CACNA1E: variants seen among roughly 807,000 people sequenced by gnomAD.
CACNA1E encodes the protein voltage-dependent R-type calcium channel subunit alpha-1E.
A neutral mutation model predicts 259.2 loss-of-function variants in CACNA1E; 40 were observed. That is an observed-to-expected ratio of 0.15 (90% confidence interval 0.12 to 0.20). CACNA1E has a LOEUF of 0.20. Among genes scored for constraint, CACNA1E ranks in the 10% least tolerant of loss-of-function variants. CACNA1E has a pLI of 1.00. For missense variants in CACNA1E, 1,874 were observed against 3,040.1 expected (o/e 0.62, Z 9.02); for synonymous variants, 1,104 against 1,138.5 (o/e 0.97, Z 0.61).
intron 3 of CACNA1E, among the ~76,000 whole-genome samples, chr1:181,549,553 TATA>T (rs1647895884): frequency 6.6e-6 from 1 of 152,236 alleles, no homozygotes; most frequent in South Asian, 2.1e-4. Context: ...CTCTTTCCCT[TATA>T]ATGATGATGC....
Position 181,756,974 on chromosome 1 carries a change from C to T in CACNA1E, c.4177C>T (p.Arg1393Cys), listed in dbSNP as rs772762981. The T allele has an allele frequency of 6.8e-6, 11 of 1,613,588 alleles. No individual in the cohort carries two copies. Among genetic ancestry groups the T allele is most frequent in the Admixed American group, 5.0e-5 (3 of 60,012 alleles). ...DVTEEDRGPS[R>C]SNRMEMSIFY... ...GACAGAGGAAGACCGAGGCCCAAGCCGCAGCAACCGCATGGAGATGTCTAT... is the reference window on the plus strand; with the variant it reads ...GACAGAGGAAGACCGAGGCCCAAGCTGCAGCAACCGCATGGAGATGTCTAT... The change falls in exon 30 of 48, where the codon CGC (arginine) becomes TGC (cysteine). Residue 1393 changes from arginine to cysteine, a missense_variant. Arg to Cys is a radical substitution (Grantham distance 180). This residue lies in a region of CACNA1E where 188 missense variants were observed against 540.6 expected (regional missense o/e 0.35). Transcript: ENST00000367573.
chr1:181,385,406 G>A (rs1655769710), intron 1 of CACNA1E, among the ~76,000 whole-genome samples: 2 of 152,206 alleles, frequency 1.3e-5, no homozygotes, highest in South Asian at 4.1e-4. Flanking sequence ...TGATGCCTGT[G>A]TTCAGCTGCT....
intron 1 of CACNA1E, among the ~76,000 whole-genome samples, chr1:181,368,227 C>T (rs1397068120): frequency 6.9e-6 from 1 of 145,274 alleles, no homozygotes. Context: ...GAGACTCTGT[C>T]TAAAAAAAAT....
intron 43 of CACNA1E, among the ~76,000 whole-genome samples, chr1:181,789,358 A>G (rs1338148455): frequency 7.9e-5 from 12 of 152,156 alleles, no homozygotes. Flanking sequence ...TGCTCTTCAT[A>G]TCTTCTCCTG....
At chr1:181,638,898 C>G (rs546912281) in intron 6 of CACNA1E, among the ~76,000 whole-genome samples, 11 of 152,324 alleles carry the variant, frequency 7.2e-5, no homozygotes, top group African/African-American at 2.6e-4. Context: ...CCCAGCCATG[C>G]TGAACTGTGA....
chr1:181,456,428 G>C lies in CACNA1E; in HGVS notation c.435-27316G>C, dbSNP rs114549198. Reference sequence around the variant, plus strand: ...TAAGGAGAGGCTGTGCCTGTTCTGCGACCCTCCATGTGATCTGAGGTATTC... The same window carrying C: ...TAAGGAGAGGCTGTGCCTGTTCTGCCACCCTCCATGTGATCTGAGGTATTC... On this transcript the variant is annotated intron_variant, in intron 2 of 11. Transcript: ENST00000524607. 2.2e-4 allele frequency among the ~76,000 whole-genome samples: 34 copies of C among 152,234 alleles called. No individual in the cohort carries two copies. The East Asian group carries it at 5.4e-3, about 24-fold the overall frequency.
chr1:181,381,025 A>G (rs1655423237), intron 1 of CACNA1E, among the ~76,000 whole-genome samples: 1 of 152,030 alleles, frequency 6.6e-6, no homozygotes, highest in African/African-American at 2.4e-5. Flanking sequence ...AATTAGCTAG[A>G]CATGGTGATG....
intron 1 of CACNA1E, among the ~76,000 whole-genome samples, chr1:181,321,025 G>C (rs1650300721): frequency 1.3e-5 from 2 of 152,170 alleles, no homozygotes; most frequent in Non-Finnish European, 2.9e-5. Flanking sequence ...AAGGGGAGCT[G>C]GTGTGTGCAG....
intron 1 of CACNA1E, among the ~76,000 whole-genome samples, chr1:181,489,548 A>G (rs1349341759): frequency 6.6e-6 from 1 of 152,174 alleles, no homozygotes; most frequent in Non-Finnish European, 1.5e-5. Context: ...TGTCATTTTT[A>G]TGATGACTGC....
Position 181,419,058 on chromosome 1 carries a change from ACT to A in CACNA1E, c.434+5481_434+5482del, listed in dbSNP as rs1200393400. 2.0e-5 allele frequency among the ~76,000 whole-genome samples: 3 copies of A among 151,954 alleles called. No individual in the cohort carries two copies. The East Asian group carries it at 5.8e-4, about 29-fold the overall frequency. Reference sequence around the variant, plus strand: ...CCCTGCCTCTGCCCCTCCCTGCTAGACTCTGTTTCCCCAACTGCAGCTAAAGA... The same window carrying A: ...CCCTGCCTCTGCCCCTCCCTGCTAGACTGTTTCCCCAACTGCAGCTAAAGA... On this transcript the variant is annotated intron_variant, in intron 2 of 11. Transcript: ENST00000524607.
At position 181,805,252 on chromosome 1, in the gene CACNA1E, C is replaced by T. The variant is rs1268015039; in HGVS notation, c.*6418C>T. ...ATGAAATAATCAAATATACCAAATCCGAATTTGACTTTATTTGATGACTCA... is the reference window on the plus strand; with the variant it reads ...ATGAAATAATCAAATATACCAAATCTGAATTTGACTTTATTTGATGACTCA... On this transcript the variant is annotated 3_prime_UTR_variant, in exon 48 of 48. Coordinates refer to ENST00000367573, the MANE Select transcript of CACNA1E (RefSeq NM_001205293.3). 2.6e-5 allele frequency: 4 copies of T among 152,078 alleles called. No homozygotes were observed. Among genetic ancestry groups the T allele is most frequent in the South Asian group, 2.1e-4 (1 of 4,824 alleles). 9.4% of individuals were successfully genotyped at this position (152,078 alleles called of 1,614,324 possible).
chr1:181,745,531 A>G (rs1477980409), intron 25 of CACNA1E, among the ~76,000 whole-genome samples: 1 of 152,008 alleles, frequency 6.6e-6, no homozygotes, highest in African/African-American at 2.4e-5. Context: ...AGAGCCCAGT[A>G]CTGCTGGATT....
intron 6 of CACNA1E, among the ~76,000 whole-genome samples, chr1:181,641,092 G>A (rs1657704077): frequency 6.6e-6 from 1 of 152,228 alleles, no homozygotes; most frequent in African/African-American, 2.4e-5. Context: ...CAAAGCCCTT[G>A]AGAACTGTTT....
intron 7 of CACNA1E, among the ~76,000 whole-genome samples, chr1:181,681,959 G>A (rs908151679): frequency 2.0e-5 from 3 of 152,080 alleles, no homozygotes; most frequent in Admixed American, 1.3e-4. Context: ...CTTCTCTTCA[G>A]CCACACTTTC....
At chr1:181,566,708 A>G (rs140458294) in intron 3 of CACNA1E, among the ~76,000 whole-genome samples, 1 of 152,324 alleles carries the variant, frequency 6.6e-6, no homozygotes, top group African/African-American at 2.4e-5. Flanking sequence ...AGCTATGTGT[A>G]TGTTCTCCCA....
rs555643135 is a variant in CACNA1E, at chr1:181,356,092, C to T, written c.-15+37969C>T. Among the ~76,000 whole-genome samples, 56 of 152,284 alleles carry T rather than the reference C, an allele frequency of 3.7e-4. 1 individual carries two copies. The highest frequency in any genetic ancestry group is 1.3e-3 in the African/African-American group (53 of 41,546). On this transcript the variant is annotated intron_variant, in intron 1 of 11. Transcript: ENST00000524607. ...CCCCCTCCCAGGGTTCACAGCCTGACTCAGGGCCATCACAGTGCCTGGTGC... is the reference window on the plus strand; with the variant it reads ...CCCCCTCCCAGGGTTCACAGCCTGATTCAGGGCCATCACAGTGCCTGGTGC...
chr1:181,768,342 A>T (rs75065133), intron 35 of CACNA1E, among the ~76,000 whole-genome samples: 176 of 152,302 alleles, frequency 1.2e-3, no homozygotes, highest in African/African-American at 4.2e-3. Flanking sequence ...AAAGGAAGAG[A>T]GAGTGAGCAT....
intron 46 of CACNA1E, 138 bp from the exon 47 acceptor site, chr1:181,796,530 T>C (rs1009530403): frequency 8.7e-6 from 5 of 573,364 alleles, no homozygotes; most frequent in Non-Finnish European, 5.9e-6. Flanking sequence ...ACATTTGAAT[T>C]TGGGGGGGGA....
At chr1:181,448,971 G>T (rs1046863033) in intron 2 of CACNA1E, among the ~76,000 whole-genome samples, 2 of 152,242 alleles carry the variant, frequency 1.3e-5, no homozygotes, top group Admixed American at 1.3e-4. Flanking sequence ...TGGAGTGGCT[G>T]TGCCAACTCA....
Sources: allele counts gnomAD v4.1 joint callset (sites outside exome capture counted in the v4.1 genomes callset), GRCh38; gene constraint gnomAD v4.1.1; regional missense constraint gnomAD v4.1.1; transcripts MANE v1.5; gene names NCBI Gene and HGNC (gene_info 2026-07-23, HGNC 2026-07-21).